Variants in THRB observed in about 807,000 individuals in gnomAD.
The protein encoded by THRB is nuclear receptor subfamily 1 group A member 2.
A neutral mutation model predicts 47.8 loss-of-function variants in THRB; 12 were observed. That is an observed-to-expected ratio of 0.25 (90% CI 0.16 to 0.41). The LOEUF (loss-of-function observed/expected upper bound fraction) is 0.41. Ranked by LOEUF, THRB falls within the 10% of genes least tolerant of loss-of-function variation. THRB has a pLI of 1.00. For missense variants in THRB, 348 were observed against 589.2 expected (o/e 0.59, Z 4.24); for synonymous variants, 218 against 212.2 (o/e 1.03, Z -0.24).
chr3:24,424,953 T>C lies in THRB; in HGVS notation c.-261+69699A>G, dbSNP rs144957006. On this transcript the variant is annotated intron_variant, in intron 1 of 10. Coordinates refer to ENST00000646209, the MANE Select transcript of THRB (RefSeq NM_001354712.2). ...ACACTGCATCTTTTACATGCTACTA[T>C]TTAATATAATATTTGTACATATCAA... 1.8e-4 allele frequency among the ~76,000 whole-genome samples: 28 copies of C among 152,080 alleles called. No homozygotes were observed. The East Asian group carries it at 4.3e-3, about 23-fold the overall frequency.
chr3:24,197,658 A>G (rs1211540968), intron 4 of THRB, among the ~76,000 whole-genome samples: 1 of 112,150 alleles, frequency 8.9e-6, no homozygotes, highest in African/African-American at 5.8e-5. Flanking sequence ...AGATCAAAAT[A>G]CCCCGAAACT....
At chr3:24,313,877 A>C (rs1476151524) in intron 2 of THRB, among the ~76,000 whole-genome samples, 6 of 152,160 alleles carry the variant, frequency 3.9e-5, no homozygotes, top group Non-Finnish European at 5.9e-5. Context: ...TCTGATGCAA[A>C]TTTGGAATTA....
chr3:24,146,535 A>T, intron 7 of THRB, 140 bp downstream of exon 7: 1 of 875,380 alleles, frequency 1.1e-6, no homozygotes, highest in Non-Finnish European at 1.8e-6. Flanking sequence ...GTGGGGAGTG[A>T]GGGGTGTATG....
intron 1 of THRB, among the ~76,000 whole-genome samples, chr3:24,359,137 C>T (rs1240177106): frequency 1.3e-5 from 2 of 152,080 alleles, no homozygotes; most frequent in Non-Finnish European, 2.9e-5. Context: ...TCAAGCAGGG[C>T]TTCGTTGGAT....
chr3:24,167,918 G>T (rs901858659), intron 5 of THRB, among the ~76,000 whole-genome samples: 3 of 152,176 alleles, frequency 2.0e-5, no homozygotes, highest in Admixed American at 2.0e-4. Flanking sequence ...AGTGAAAAAG[G>T]AAAGAATAGC....
chr3:24,467,412 G>A (rs1277168653), intron 1 of THRB, among the ~76,000 whole-genome samples: 1 of 152,176 alleles, frequency 6.6e-6, no homozygotes, highest in Non-Finnish European at 1.5e-5. Context: ...ATGTAGAATG[G>A]TAAACCATTT....
intron 2 of THRB, among the ~76,000 whole-genome samples, chr3:24,312,490 G>T (rs1309541675): frequency 6.6e-6 from 1 of 152,154 alleles, no homozygotes; most frequent in Admixed American, 6.5e-5. Flanking sequence ...AGATACAAAA[G>T]GTTCCTTCCC....
At chr3:24,265,133 G>C (rs1452051368) in intron 3 of THRB, among the ~76,000 whole-genome samples, 1 of 152,084 alleles carries the variant, frequency 6.6e-6, no homozygotes, top group African/African-American at 2.4e-5. Flanking sequence ...GGAAAAAATA[G>C]GAGGGACCAA....
intron 4 of THRB, among the ~76,000 whole-genome samples, chr3:24,199,377 G>A (rs2044337010): frequency 6.6e-6 from 1 of 152,176 alleles, no homozygotes; most frequent in Admixed American, 6.6e-5. Context: ...CTTTTACTGA[G>A]CACCTGCCTA....
chr3:24,162,056 G>T (rs946304885), intron 5 of THRB, among the ~76,000 whole-genome samples: 10 of 152,128 alleles, frequency 6.6e-5, no homozygotes, highest in Non-Finnish European at 1.2e-4. Flanking sequence ...AAATCGAGAG[G>T]TTGACCTGCA....
At chr3:24,160,547 A>G (rs1194501006) in intron 5 of THRB, among the ~76,000 whole-genome samples, 6 of 152,138 alleles carry the variant, frequency 3.9e-5, no homozygotes, top group African/African-American at 1.4e-4. Flanking sequence ...GAAATTCTCT[A>G]CAACAGCTGG....
intron 1 of THRB, among the ~76,000 whole-genome samples, chr3:24,366,513 T>C (rs7642291): frequency 0.18 from 26,785 of 152,176 alleles, 2,817 homozygotes; most frequent in Middle Eastern, 0.27. Context: ...GAAGCACGTG[T>C]ACTCTGATCA....
chr3:24,338,203 G>A (rs1351327184), intron 1 of THRB, among the ~76,000 whole-genome samples: 2 of 152,022 alleles, frequency 1.3e-5, no homozygotes, highest in Non-Finnish European at 2.9e-5. Context: ...TTAAAAAAGG[G>A]TATATTTTAA....
chr3:24,187,297 A>G (rs570747437), intron 5 of THRB, among the ~76,000 whole-genome samples: 1 of 152,360 alleles, frequency 6.6e-6, no homozygotes, highest in South Asian at 2.1e-4. Flanking sequence ...ATTTGCATCA[A>G]TAGAAATGGT....
intron 1 of THRB, among the ~76,000 whole-genome samples, chr3:24,428,454 G>C (rs2070003033): frequency 6.6e-6 from 1 of 151,976 alleles, no homozygotes; most frequent in South Asian, 2.1e-4. Flanking sequence ...TTTGCCTTTT[G>C]GGAATAAGCG....
At chr3:24,444,798 C>T (rs4350869) in intron 1 of THRB, among the ~76,000 whole-genome samples, 121,959 of 151,940 alleles carry the variant, frequency 0.8, 50,162 homozygotes, top group Non-Finnish European at 0.89. Context: ...TTGGTCAGGC[C>T]GGCTTGAACT....
intron 5 of THRB, among the ~76,000 whole-genome samples, chr3:24,155,896 A>G (rs1261225790): frequency 2.0e-5 from 3 of 151,594 alleles, no homozygotes; most frequent in East Asian, 1.9e-4. Flanking sequence ...AGCCTGGTCA[A>G]TAACCCTCCA....
chr3:24,390,164 T>C (rs914873598), intron 1 of THRB, among the ~76,000 whole-genome samples: 22 of 152,072 alleles, frequency 1.4e-4, no homozygotes, highest in Non-Finnish European at 1.0e-4. Context: ...AAAAAGGCAA[T>C]GATTCATTGA....
At chr3:24,252,466 A>G (rs892702390) in intron 3 of THRB, among the ~76,000 whole-genome samples, 2 of 152,082 alleles carry the variant, frequency 1.3e-5, no homozygotes, top group Non-Finnish European at 2.9e-5. Context: ...AATACCAAGT[A>G]TATGAAAAAA....
Sources: gnomAD v4.1 joint callset for allele counts (sites outside exome capture counted in the v4.1 genomes callset) on GRCh38, gnomAD v4.1.1 for gene constraint, MANE v1.5 for transcripts, NCBI Gene and HGNC (gene_info 2026-07-23, HGNC 2026-07-21) for gene names.